ARFGEF1: variants seen among roughly 807,000 people sequenced by gnomAD.
ARFGEF1 encodes the protein ARF guanine nucleotide exchange factor 1.
A neutral mutation model predicts 231.0 loss-of-function variants in ARFGEF1; 42 were observed. The observed-to-expected ratio is 0.18, with a 90% CI of 0.14 to 0.24. The LOEUF (loss-of-function observed/expected upper bound fraction) is 0.24. Among genes scored for constraint, ARFGEF1 ranks in the 10% least tolerant of loss-of-function variants. The pLI, the probability that ARFGEF1 is intolerant of heterozygous loss-of-function variation, is 1.00. For synonymous variants in ARFGEF1, 710 were observed against 732.3 expected (o/e 0.97, Z 0.49); for missense variants, 1,345 against 2,192.0 (o/e 0.61, Z 7.72).
rs919102903 is a variant in ARFGEF1, at chr8:67,253,603, T to C, written c.2546A>G (p.Lys849Arg). The change falls in exon 18 of 39, where the codon AAG (lysine) becomes AGG (arginine). Residue 849 changes from lysine (K) to arginine (R), a missense_variant. Transcript: ENST00000262215. ...TCTATTCATCTTAATGTATTGTTCCTTTGTCATTTTATTTTTCACCTAGAT... is the reference window on the plus strand; with the variant it reads ...TCTATTCATCTTAATGTATTGTTCCCTTGTCATTTTATTTTTCACCTAGAT... ...HSPQVKNKMTKEQYIKMNRGI... is the reference protein window; with the variant it reads ...HSPQVKNKMTREQYIKMNRGI... 2.0e-6 allele frequency: 3 copies of C among 1,499,248 alleles called. No homozygotes were observed. The highest frequency in any genetic ancestry group is 1.4e-5 in the African/African-American group (1 of 70,764). 92.9% of individuals were successfully genotyped at this position (1,499,248 alleles called of 1,614,324 possible).
At chr8:67,299,864 A>G (rs2128914489) in intron 3 of ARFGEF1, among the ~76,000 whole-genome samples, 1 of 152,196 alleles carries the variant, frequency 6.6e-6, no homozygotes, top group South Asian at 2.1e-4. Flanking sequence ...GCTACTCAGG[A>G]GGCTGAGGTG....
intron 34 of ARFGEF1, among the ~76,000 whole-genome samples, chr8:67,209,246 A>G (rs943191957): frequency 1.4e-5 from 2 of 146,110 alleles, no homozygotes; most frequent in African/African-American, 5.3e-5. Context: ...TCAGTGGACT[A>G]TTAGTAATAA....
intron 17 of ARFGEF1, among the ~76,000 whole-genome samples, chr8:67,255,154 G>A (rs1436592626): frequency 3.3e-5 from 5 of 152,318 alleles, no homozygotes; most frequent in South Asian, 2.1e-4. Context: ...GATCCCATAC[G>A]TGGGCGTACA....
intron 5 of ARFGEF1, among the ~76,000 whole-genome samples, chr8:67,176,440 A>T (rs755008737): frequency 3.3e-5 from 5 of 152,176 alleles, no homozygotes; most frequent in Non-Finnish European, 7.3e-5. Flanking sequence ...AAACATTTGT[A>T]TAGGGATTGT....
intron 38 of ARFGEF1, 115 bp from the exon 39 acceptor site, chr8:67,199,213 C>T: frequency 7.9e-7 from 1 of 1,262,124 alleles, no homozygotes; most frequent in Non-Finnish European, 1.1e-6. Flanking sequence ...GCAGGGTCCA[C>T]AGCAGGCAGT....
At position 67,292,046 on chromosome 8, in the gene ARFGEF1, G is replaced by A. The variant is rs748170606; in HGVS notation, c.717C>T (p.His239=). 1.5e-5 allele frequency: 25 copies of A among 1,613,922 alleles called. No homozygotes were observed. Among genetic ancestry groups the A allele is most frequent in the Admixed American group, 1.5e-4 (9 of 59,992 alleles). Residue 239 remains histidine (H), a synonymous_variant, in exon 6 of 39, where the codon CAC becomes CAT. Transcript: ENST00000262215. ...ATCTAAGTTGAGGTGATTCAGGCTC[G>A]TGATGGCTTACTGGAGACTGTAACA... The part of the protein sequence containing the change: ...HHLLQSPVSH[H]EPESPQLRYL...
chr8:67,189,333 A>T (rs577175800), intron 5 of ARFGEF1, among the ~76,000 whole-genome samples: 1 of 152,324 alleles, frequency 6.6e-6, no homozygotes, highest in East Asian at 1.9e-4. Context: ...TAGCACCTTT[A>T]TTCATAATTG....
At chr8:67,307,722 T>C (rs1806814802) in intron 1 of ARFGEF1, among the ~76,000 whole-genome samples, 2 of 151,996 alleles carry the variant, frequency 1.3e-5, no homozygotes, top group African/African-American at 4.8e-5. Context: ...TGGGAGAGAG[T>C]GTGGCTGACT....
intron 30 of ARFGEF1, among the ~76,000 whole-genome samples, chr8:67,218,664 A>G (rs958451941): frequency 2.6e-5 from 4 of 152,232 alleles, no homozygotes; most frequent in Admixed American, 2.6e-4. Flanking sequence ...ATAAAAAATA[A>G]TTGCAGAAGT....
At chr8:67,220,593 A>AGTGGTAAAGAAACC (rs1480545626) in intron 29 of ARFGEF1, among the ~76,000 whole-genome samples, 3 of 152,240 alleles carry the variant, frequency 2.0e-5, no homozygotes. Context: ...TAATACTAGC[A>AGTGGTAAAGAAACC]GTGGTAAAGA....
chr8:67,175,684 A>G (rs1831449045), intron 5 of ARFGEF1: 2 of 610,694 alleles, frequency 3.3e-6, no homozygotes, highest in East Asian at 6.7e-5. Context: ...GGAGGACTGA[A>G]TACTTTGACC....
intron 5 of ARFGEF1, among the ~76,000 whole-genome samples, chr8:67,187,935 A>G (rs1380200202): frequency 1.3e-5 from 2 of 152,236 alleles, no homozygotes; most frequent in African/African-American, 2.4e-5. Context: ...CTCATAGATG[A>G]TAACAACAGA....
chr8:67,221,930 C>G (rs1839177944), intron 29 of ARFGEF1, among the ~76,000 whole-genome samples: 1 of 151,378 alleles, frequency 6.6e-6, no homozygotes, highest in Non-Finnish European at 1.5e-5. Context: ...TTTCCTGCCT[C>G]AGCCTCCCAA....
intron 7 of ARFGEF1, among the ~76,000 whole-genome samples, chr8:67,281,381 AATTC>A: frequency 6.6e-6 from 1 of 152,144 alleles, no homozygotes; most frequent in South Asian, 2.1e-4. Context: ...ACAAAAGTAA[AATTC>A]ATACCCATGC....
Position 67,343,657 on chromosome 8 carries a change from G to A in ARFGEF1, c.-370C>T. ...GCCGGGAACTGAGGGACGAGGTGGC[G>A]GCGGCTCTCAGAGGCACCGCGAGAG... On this transcript the variant is annotated 5_prime_UTR_variant, in exon 1 of 39. Coordinates refer to ENST00000262215, the MANE Select transcript of ARFGEF1 (RefSeq NM_006421.5). 6 of 1,000,048 alleles carry A rather than the reference G, an allele frequency of 6.0e-6. No homozygotes were observed. The highest frequency in any genetic ancestry group is 7.2e-6 in the Non-Finnish European group (6 of 835,510). 61.9% of individuals were successfully genotyped at this position (1,000,048 alleles called of 1,614,324 possible).
chr8:67,175,521 C>T (rs1831393134), exon 6 of ARFGEF1: 1 of 1,491,634 alleles, frequency 6.7e-7, no homozygotes, highest in Non-Finnish European at 9.3e-7. Context: ...TGATTTCATT[C>T]CCAGGCATCC....
At chr8:67,229,905 C>A (rs1362962710) in intron 23 of ARFGEF1, among the ~76,000 whole-genome samples, 4 of 151,940 alleles carry the variant, frequency 2.6e-5, no homozygotes, top group Admixed American at 2.6e-4. Context: ...AAAGAAAGAA[C>A]AAAAGCAGAG....
chr8:67,211,617 T>C lies in ARFGEF1; in HGVS notation c.4687-2A>G. The C allele has an allele frequency of 7.0e-7, 1 of 1,437,574 alleles. No homozygotes were observed. The highest frequency in any genetic ancestry group is 2.1e-4 in the Middle Eastern group (1 of 4,660). The allele number at this position is 1,437,574 out of a possible 1,614,324, so 89.1% of individuals were successfully genotyped here. A position where few individuals can be genotyped will look rare whatever the true frequency, so the allele number is the denominator to read the frequency against. On this transcript the variant is annotated splice_acceptor_variant, in intron 33 of 38. Transcript: ENST00000262215. LOFTEE classifies it high-confidence loss of function. Reference sequence around the variant, plus strand: ...TACAGACTTCTGTGATATTGTATCCTAATAAATAAAAAAAAAATCACTGTA... The same window carrying C: ...TACAGACTTCTGTGATATTGTATCCCAATAAATAAAAAAAAAATCACTGTA...
At chr8:67,195,269 T>G, downstream of ARFGEF1, 1 of 763,138 alleles carries the variant, frequency 1.3e-6, no homozygotes, top group Non-Finnish European at 2.4e-6. Context: ...GTTCAGGATA[T>G]GAGACTGTGG....
Sources: allele counts gnomAD v4.1 joint callset (sites outside exome capture counted in the v4.1 genomes callset), GRCh38; gene constraint gnomAD v4.1.1; transcripts MANE v1.5; gene names NCBI Gene and HGNC (gene_info 2026-07-23, HGNC 2026-07-21).